Variants in FAM181A observed in about 807,000 individuals in gnomAD.
The protein encoded by FAM181A is family with sequence similarity 181 member A, also known as protein FAM181A.
FAM181A carries 7 observed loss-of-function variants against 16.3 expected under a neutral mutation model. The ratio of observed to expected loss-of-function variants is 0.43; its 90% CI spans 0.24 to 0.81. The LOEUF (loss-of-function observed/expected upper bound fraction) is 0.81, where lower values mean the gene tolerates loss of function less well. Among genes scored for constraint, FAM181A ranks in the 30% least tolerant of loss-of-function variants. The probability of loss-of-function intolerance (pLI) is 0.24; values close to 1 mark genes in which losing one functional copy is unlikely to be tolerated. For synonymous variants in FAM181A, 183 were observed against 164.9 expected, an observed-to-expected ratio of 1.11 and a Z score of -0.84; for missense variants, 349 against 377.5, an observed-to-expected ratio of 0.92 and a Z score of 0.63.
At chr14:93,923,301 A>T (rs1045144630), upstream of FAM181A, 2 of 152,272 alleles carry the variant, frequency 1.3e-5, no homozygotes, top group African/African-American at 4.8e-5. Context: ...TTAAATGGGC[A>T]TCTCTGCTTC....
At chr14:93,926,710 G>A (rs77242811), upstream of FAM181A, among the ~76,000 whole-genome samples, 551 of 152,164 alleles carry the variant, frequency 3.6e-3, 6 homozygotes, top group African/African-American at 0.013. The surrounding 1 kb of genome is among the most constrained non-coding windows in gnomAD (Gnocchi z 5.2). Flanking sequence ...GTCCTTCCTC[G>A]GCCACCTTTT....
At position 93,928,897 on chromosome 14, in the gene FAM181A, G is replaced by A. The variant is rs757597460; in HGVS notation, c.612G>A (p.Leu204=). 51 of 1,614,054 alleles carry A rather than the reference G, an allele frequency of 3.2e-5. No homozygotes were observed. Among genetic ancestry groups the A allele is most frequent in the Non-Finnish European group, 4.2e-5 (49 of 1,180,020 alleles). ...CGCTCAAGATGCCTGGGGTCTCCTT[G>A]GTGGGCCGCGTCAATGCCTGGAGTT... ...KEPLKMPGVS[L]VGRVNAWSCC... The change falls in exon 2 of 2, where the codon TTG becomes TTA. Residue 204 remains leucine (L), a synonymous_variant. Transcript: ENST00000556222.
Position 93,927,396 on chromosome 14 carries a change from C to T in FAM181A, c.-146C>T. ...TCGGCCGGCTGCGCCGGGGCCTGTC[C>T]CAGGTCTGCAGTGGGGAACCTGCCG... On this transcript the variant is annotated 5_prime_UTR_variant, in exon 1 of 2. Coordinates refer to ENST00000556222, the MANE Select transcript of FAM181A (RefSeq NM_001207073.2). 2.6e-6 allele frequency: 3 copies of T among 1,154,106 alleles called. No homozygotes were observed. Among genetic ancestry groups the T allele is most frequent in the Non-Finnish European group, 3.3e-6 (3 of 922,782 alleles). 71.5% of individuals were successfully genotyped at this position (1,154,106 alleles called of 1,614,324 possible).
upstream of FAM181A, chr14:93,924,987 C>G (rs967993321): frequency 2.2e-5 from 10 of 448,622 alleles, no homozygotes; most frequent in Non-Finnish European, 3.5e-5. Flanking sequence ...TTTTCTTCCA[C>G]TTTTCTCTCC....
At chr14:93,928,063 T>C in intron 1 of FAM181A, 136 bp from the exon 2 acceptor site, 3 of 1,376,676 alleles carry the variant, frequency 2.2e-6, no homozygotes, top group Non-Finnish European at 2.9e-6. Flanking sequence ...TGCACCCACA[T>C]CCCTCTACCC....
rs1263573064 is a variant in FAM181A at position 93,928,536 on chromosome 14, G to A, written c.251G>A (p.Gly84Asp). Residue 84 changes from glycine (G) to aspartate (D), a missense_variant, in exon 2 of 2, where the codon GGC (glycine) becomes GAC (aspartate). Gly to Asp is a moderately conservative substitution (Grantham distance 94). Coordinates refer to ENST00000556222, the MANE Select transcript of FAM181A (RefSeq NM_001207073.2). ...DRPRRLLLDL[G>D]PDSSPGGGGG... ...CCCAGGAGGCTGCTCCTGGATTTGG[G>A]CCCTGATTCCAGCCCCGGCGGGGGT... 6.2e-7 allele frequency: 1 copy of A among 1,612,204 alleles called. No homozygotes were observed. The highest frequency in any genetic ancestry group is 8.5e-7 in the Non-Finnish European group (1 of 1,178,736).
upstream of FAM181A, chr14:93,924,061 T>C (rs1297151901): frequency 6.6e-6 from 1 of 152,206 alleles, no homozygotes; most frequent in East Asian, 1.9e-4. Flanking sequence ...AGCAGCTGTT[T>C]ACGGTTCACA....
chr14:93,925,602 C>T (rs1360773676), upstream of FAM181A, among the ~76,000 whole-genome samples: 1 of 152,058 alleles, frequency 6.6e-6, no homozygotes, highest in African/African-American at 2.4e-5. Context: ...ATCTCTGGCA[C>T]TTAAAATGAT....
At chr14:93,925,264 A>G, upstream of FAM181A, 1 of 1,613,164 alleles carries the variant, frequency 6.2e-7, no homozygotes, top group South Asian at 1.1e-5. Flanking sequence ...TGGCTCTAAA[A>G]TGTCTTGATG....
upstream of FAM181A, among the ~76,000 whole-genome samples, chr14:93,923,194 C>T (rs1013329508): frequency 1.3e-5 from 2 of 152,206 alleles, no homozygotes; most frequent in Non-Finnish European, 2.9e-5. Context: ...AGGCTGGTCT[C>T]GAACTCCTGA....
At chr14:93,927,757 T>C (rs1247031878) in intron 1 of FAM181A, 4 of 736,460 alleles carry the variant, frequency 5.4e-6, no homozygotes, top group Non-Finnish European at 7.3e-6. Flanking sequence ...AGGGGGAGGC[T>C]ACCACCAGGG....
chr14:93,927,237 C>T, upstream of FAM181A: 6 of 979,626 alleles, frequency 6.1e-6, no homozygotes, highest in Non-Finnish European at 7.3e-6. Context: ...GGGAACGGGG[C>T]GCCGCCGCCT....
At position 93,928,497 on chromosome 14, in the gene FAM181A, G is replaced by A; in HGVS notation, c.212G>A (p.Gly71Glu). ...GCTGCTGAGCCCTACCTGAAAAGGG[G>A]GTCTGAGGACCGGCCCAGGAGGCTG... is the stretch of plus-strand genomic sequence containing the variant. The part of the protein sequence containing the change: ...GRAAEPYLKR[G>E]SEDRPRRLLL... The change falls in exon 2 of 2, where the codon GGG (glycine) becomes GAG (glutamate). Residue 71 changes from glycine (G) to glutamate (E), a missense_variant. Transcript: ENST00000556222. The A allele has an allele frequency of 1.2e-6, 2 of 1,610,362 alleles. No homozygotes were observed. Among genetic ancestry groups the A allele is most frequent in the Non-Finnish European group, 1.7e-6 (2 of 1,177,364 alleles).
At chr14:93,925,397 C>A, upstream of FAM181A, 1 of 1,602,658 alleles carries the variant, frequency 6.2e-7, no homozygotes, top group African/African-American at 1.3e-5. Flanking sequence ...ATGCCAGCTG[C>A]TGGAGAGGTT....
chr14:93,927,060 A>ACACACACACCCCCC (rs143090510), upstream of FAM181A: 1 of 153,988 alleles, frequency 6.5e-6, no homozygotes, highest in African/African-American at 2.6e-5. Flanking sequence ...ACACACACAC[A>ACACACACACCCCCC]CCCCACCCCC....
At chr14:93,925,406 T>C, upstream of FAM181A, 1 of 1,592,618 alleles carries the variant, frequency 6.3e-7, no homozygotes. Context: ...GCTGGAGAGG[T>C]TCAAACTGTT....
Position 93,928,615 on chromosome 14 carries a change from T to G in FAM181A, c.330T>G (p.Ala110=). 6.2e-7 allele frequency: 1 copy of G among 1,613,880 alleles called. No homozygotes were observed. Among genetic ancestry groups the G allele is most frequent in the Non-Finnish European group, 8.5e-7 (1 of 1,179,966 alleles). ...LRNPYREECL[A]KEQLPQRQHP... ...ACCCCTACAGGGAGGAATGTCTTGC[T>G]AAGGAGCAGCTCCCACAGAGGCAGC... Residue 110 remains alanine, a synonymous_variant, in exon 2 of 2, where the codon GCT becomes GCG. Transcript: ENST00000556222.
intron 1 of FAM181A, chr14:93,922,265 T>C (rs1887752972): frequency 6.6e-6 from 1 of 152,262 alleles, no homozygotes; most frequent in African/African-American, 2.4e-5. Context: ...TTTAAACGCA[T>C]TTTAACTCAC....
upstream of FAM181A, chr14:93,925,385 A>G (rs753636599): frequency 1.9e-6 from 3 of 1,609,052 alleles, no homozygotes; most frequent in Non-Finnish European, 2.5e-6. Context: ...TTACGTAGTC[A>G]GATGCCAGCT....
Sources: gnomAD v4.1 joint callset for allele counts (sites outside exome capture counted in the v4.1 genomes callset) on GRCh38, gnomAD v4.1.1 for gene constraint, Gnocchi (gnomAD v3.1) non-coding constraint, MANE v1.5 for transcripts, NCBI Gene and HGNC (gene_info 2026-07-23, HGNC 2026-07-21) for gene names.